CELF2: variants seen among roughly 807,000 people sequenced by gnomAD.
CELF2 encodes CUGBP Elav-like family member 2.
Under a neutral mutation model 62.6 loss-of-function variants are expected in CELF2, and 8 were observed. The ratio of observed to expected loss-of-function variants is 0.13; its 90% CI spans 0.07 to 0.23. The LOEUF (loss-of-function observed/expected upper bound fraction) is 0.23. Ranked by LOEUF, CELF2 falls within the 10% of genes least tolerant of loss-of-function variation. CELF2 has a pLI of 1.00. For missense variants in CELF2, 333 were observed against 671.0 expected (o/e 0.50, Z 5.56); for synonymous variants, 258 against 250.0 (o/e 1.03, Z -0.30).
the CELF2 span, among the ~76,000 whole-genome samples, chr10:10,511,437 T>C: frequency 7.9e-5 from 12 of 152,064 alleles, no homozygotes; most frequent in South Asian, 2.5e-3. Flanking sequence ...AAATAAAATA[T>C]ATGTATACAT....
upstream of CELF2, among the ~76,000 whole-genome samples, chr10:11,002,525 G>C (rs144755452): frequency 6.6e-6 from 1 of 152,182 alleles, no homozygotes; most frequent in Non-Finnish European, 1.5e-5. The surrounding 1 kb of genome is among the most constrained non-coding windows in gnomAD (Gnocchi z 4.4). Flanking sequence ...ATGTGGTGTC[G>C]TAGAAAGGGG....
intron 1 of CELF2, among the ~76,000 whole-genome samples, chr10:11,129,545 C>G (rs935406157): frequency 6.6e-6 from 1 of 152,072 alleles, no homozygotes; most frequent in Non-Finnish European, 1.5e-5. Flanking sequence ...ATTATTGCCT[C>G]CATTTCAGAG....
the CELF2 span, among the ~76,000 whole-genome samples, chr10:10,563,236 G>A: frequency 2.6e-5 from 4 of 152,110 alleles, no homozygotes; most frequent in Non-Finnish European, 4.4e-5. Flanking sequence ...CCTCCTAGAA[G>A]ACACCCAGCC....
At chr10:11,086,604 A>AC (rs1554826582) in intron 1 of CELF2, among the ~76,000 whole-genome samples, 6 of 115,956 alleles carry the variant, frequency 5.2e-5, no homozygotes, top group Non-Finnish European at 1.1e-4. Context: ...AAAAAAAAAA[A>AC]AAAAAACTCC....
the CELF2 span, among the ~76,000 whole-genome samples, chr10:10,594,968 T>A: frequency 2.0e-5 from 3 of 152,182 alleles, no homozygotes; most frequent in Admixed American, 2.0e-4. Context: ...CAGAAGAAAT[T>A]CCAGAGGGTG....
At chr10:11,089,489 G>A (rs1184656299) in intron 1 of CELF2, among the ~76,000 whole-genome samples, 1 of 152,208 alleles carries the variant, frequency 6.6e-6, no homozygotes, top group African/African-American at 2.4e-5. Context: ...AGAGCAGGAT[G>A]AGGAACCCAA....
intron 1 of CELF2, among the ~76,000 whole-genome samples, chr10:11,052,672 G>C (rs1485639587): frequency 2.6e-5 from 4 of 152,206 alleles, no homozygotes. Context: ...ACATTTCTCT[G>C]ACGGTAACCT....
intron 2 of CELF2, among the ~76,000 whole-genome samples, chr10:10,994,385 AT>A (rs1217634202): frequency 6.6e-6 from 1 of 152,214 alleles, no homozygotes; most frequent in African/African-American, 2.4e-5. Context: ...TGATCCAGAA[AT>A]TACAGGGAAT....
rs1242189331 is a variant in CELF2, at chr10:11,227,950, C to T, written c.354+10443C>T. Reference sequence around the variant, plus strand: ...CAGCACATACACGGTATTATTGTTTCCTCAGAAGAGTGTGTATTTAAATAC... The same window carrying T: ...CAGCACATACACGGTATTATTGTTTTCTCAGAAGAGTGTGTATTTAAATAC... On this transcript the variant is annotated intron_variant, in intron 3 of 12. Coordinates refer to ENST00000633077, the MANE Select transcript of CELF2 (RefSeq NM_001326342.2). This position sits in a 1 kb window ranked among gnomAD's most constrained non-coding sequence, Gnocchi z 4.8. Among the ~76,000 whole-genome samples the T allele has an allele frequency of 6.6e-6, 1 of 152,306 alleles. No homozygotes were observed. Among genetic ancestry groups the T allele is most frequent in the South Asian group, 2.1e-4 (1 of 4,824 alleles).
the CELF2 span, among the ~76,000 whole-genome samples, chr10:10,562,556 G>A: frequency 6.6e-6 from 1 of 152,132 alleles, no homozygotes; most frequent in Non-Finnish European, 1.5e-5. Flanking sequence ...CTCCTGAGCA[G>A]CCCGGCTCCG....
At chr10:10,469,462 G>T in the CELF2 span, among the ~76,000 whole-genome samples, 1 of 151,878 alleles carries the variant, frequency 6.6e-6, no homozygotes, top group African/African-American at 2.4e-5. Context: ...CCACATAAAG[G>T]AGGTGAAGTC....
the CELF2 span, among the ~76,000 whole-genome samples, chr10:10,603,661 G>A: frequency 6.6e-6 from 1 of 152,002 alleles, no homozygotes; most frequent in Non-Finnish European, 1.5e-5. Context: ...AATAAAATAA[G>A]GATAAGTGCC....
At chr10:10,702,828 C>G in the CELF2 span, among the ~76,000 whole-genome samples, 1 of 152,220 alleles carries the variant, frequency 6.6e-6, no homozygotes, top group African/African-American at 2.4e-5. Context: ...TCATGGTTCA[C>G]CCACCTAGGC....
the CELF2 span, among the ~76,000 whole-genome samples, chr10:10,526,500 T>A: frequency 1.3e-5 from 2 of 152,152 alleles, no homozygotes; most frequent in African/African-American, 4.8e-5. Context: ...CCACTCCCCA[T>A]AACCTGCCTG....
intron 1 of CELF2, among the ~76,000 whole-genome samples, chr10:10,881,420 G>A (rs1465680426): frequency 1.3e-5 from 2 of 152,124 alleles, no homozygotes; most frequent in East Asian, 3.8e-4. Flanking sequence ...GTTTAAAGCT[G>A]TGAAAGAGAG....
chr10:10,907,637 GTTTTATTTTA>G (rs146857310), intron 1 of CELF2, among the ~76,000 whole-genome samples: 5,231 of 150,852 alleles, frequency 0.035, 126 homozygotes, highest in African/African-American at 0.056. Context: ...ATTTCTGTTG[GTTTTATTTTA>G]TTTTATTTTA....
At chr10:10,501,570 G>A in the CELF2 span, among the ~76,000 whole-genome samples, 1 of 151,974 alleles carries the variant, frequency 6.6e-6, no homozygotes, top group Non-Finnish European at 1.5e-5. Context: ...CAGTGATATT[G>A]TATTTTTAAT....
the CELF2 span, among the ~76,000 whole-genome samples, chr10:10,543,283 A>C: frequency 6.6e-6 from 1 of 152,080 alleles, no homozygotes; most frequent in African/African-American, 2.4e-5. Flanking sequence ...AGAAGTGGAG[A>C]ATGTTCTCTT....
At chr10:10,955,565 G>C (rs1046109228) in intron 2 of CELF2, among the ~76,000 whole-genome samples, 1 of 152,238 alleles carries the variant, frequency 6.6e-6, no homozygotes, top group Admixed American at 6.5e-5. Context: ...TCAGCCACCT[G>C]TGTGGAGTAG....
Sources: gnomAD v4.1 joint callset for allele counts (sites outside exome capture counted in the v4.1 genomes callset) on GRCh38, gnomAD v4.1.1 for gene constraint, Gnocchi (gnomAD v3.1) non-coding constraint, MANE v1.5 for transcripts, NCBI Gene and HGNC (gene_info 2026-07-23, HGNC 2026-07-21) for gene names.